L3MBTL3: variants seen among roughly 807,000 people sequenced by gnomAD.
L3MBTL3 encodes L3MBTL histone methyl-lysine binding protein 3.
Under a neutral mutation model 102.3 loss-of-function variants are expected in L3MBTL3, and 27 were observed. The observed-to-expected ratio is 0.26, with a 90% CI of 0.19 to 0.36. The LOEUF (loss-of-function observed/expected upper bound fraction) is 0.36, where lower values mean the gene tolerates loss of function less well. L3MBTL3 is among the 10% of genes least tolerant of loss of function. The pLI is 1.00. For missense variants in L3MBTL3, 798 were observed against 955.3 expected (o/e 0.84, Z 2.17); for synonymous variants, 340 against 320.9 (o/e 1.06, Z -0.64).
chr6:130,093,200 T>G (rs1422344075), intron 17 of L3MBTL3, among the ~76,000 whole-genome samples: 1 of 152,144 alleles, frequency 6.6e-6, no homozygotes, highest in Non-Finnish European at 1.5e-5. Context: ...ATATGATAGC[T>G]TTGCAAAACG....
intron 2 of L3MBTL3, among the ~76,000 whole-genome samples, chr6:130,037,799 G>T (rs9375695): frequency 0.59 from 89,344 of 151,868 alleles, 28,984 homozygotes; most frequent in East Asian, 0.76. Context: ...AAATCCAATC[G>T]TCTGACTCTT....
chr6:130,066,225 A>G, intron 10 of L3MBTL3, 128 bp from the exon 11 acceptor site: 1 of 295,030 alleles, frequency 3.4e-6, no homozygotes, highest in Non-Finnish European at 6.1e-6. Context: ...ATTACTGTTA[A>G]TGTGGGTGGT....
At chr6:130,075,782 C>T (rs1782912325) in intron 13 of L3MBTL3, among the ~76,000 whole-genome samples, 1 of 151,904 alleles carries the variant, frequency 6.6e-6, no homozygotes, top group South Asian at 2.1e-4. Flanking sequence ...CAGGTGGCAC[C>T]AAGTCTCCTA....
At chr6:130,078,927 CAG>C (rs1462497947) in intron 14 of L3MBTL3, among the ~76,000 whole-genome samples, 3 of 152,058 alleles carry the variant, frequency 2.0e-5, no homozygotes, top group Non-Finnish European at 2.9e-5. Flanking sequence ...TAGTTCATAA[CAG>C]AGTCTCAAAT....
chr6:130,091,495 A>G (rs1299452166), intron 16 of L3MBTL3, among the ~76,000 whole-genome samples: 1 of 152,158 alleles, frequency 6.6e-6, no homozygotes, highest in African/African-American at 2.4e-5. Flanking sequence ...CCTAGTGACC[A>G]TCACTAGAAG....
In L3MBTL3 at chr6:130,092,754, G is replaced by T. The variant is rs553837132; in HGVS notation, c.1528G>T (p.Asp510Tyr). 1 of 1,608,688 alleles carries T rather than the reference G, an allele frequency of 6.2e-7. No individual in the cohort carries two copies. The highest frequency in any genetic ancestry group is 8.5e-7 in the Non-Finnish European group (1 of 1,175,496). ...TCCTTGTGTCATCCAGGTTCACTTT[G>T]ATGGCTGGAACAATTGCTATGATTA... ...TDDHRVKVHF[D>Y]GWNNCYDYWI... Residue 510 changes from aspartate to tyrosine, a missense_variant, in exon 17 of 23, where the codon GAT (aspartate) becomes TAT (tyrosine). This residue lies in a region of L3MBTL3 where 306 missense variants were observed against 314.4 expected (regional missense o/e 0.97). Transcript: ENST00000361794.
chr6:130,036,896 A>G (rs1030632641), intron 2 of L3MBTL3, among the ~76,000 whole-genome samples: 8 of 152,180 alleles, frequency 5.3e-5, no homozygotes, highest in Non-Finnish European at 1.2e-4. Flanking sequence ...ATAAAGATTA[A>G]ACGATGGTTA....
intron 18 of L3MBTL3, among the ~76,000 whole-genome samples, chr6:130,094,914 A>T (rs1383939613): frequency 1.3e-5 from 2 of 152,162 alleles, no homozygotes; most frequent in African/African-American, 4.8e-5. Flanking sequence ...GTATTTGGTG[A>T]TTTAGGGATC....
intron 1 of L3MBTL3, among the ~76,000 whole-genome samples, chr6:130,021,443 TG>T (rs1267035589): frequency 4.6e-5 from 7 of 152,224 alleles, no homozygotes; most frequent in African/African-American, 1.7e-4. Context: ...ATGAGTTATA[TG>T]GGAAAGACAC....
At chr6:130,066,900 A>T (rs896132335) in intron 11 of L3MBTL3, among the ~76,000 whole-genome samples, 1 of 152,326 alleles carries the variant, frequency 6.6e-6, no homozygotes, top group Admixed American at 6.5e-5. Flanking sequence ...AATCCTGAGA[A>T]ATTATGCTTG....
At chr6:130,042,559 C>A (rs1436381606) in intron 2 of L3MBTL3, 126 bp from the exon 3 acceptor site, 3 of 514,660 alleles carry the variant, frequency 5.8e-6, no homozygotes, top group Non-Finnish European at 1.0e-5. Flanking sequence ...GTTTTTAGAT[C>A]CAGGGATATG....
At chr6:130,124,983 A>T (rs1219656943) in intron 20 of L3MBTL3, among the ~76,000 whole-genome samples, 1 of 151,860 alleles carries the variant, frequency 6.6e-6, no homozygotes, top group Non-Finnish European at 1.5e-5. Context: ...AAAAAAAAAA[A>T]TAAAATAAAA....
At chr6:130,070,783 C>CTTTTTTTTTT (rs774204472) in intron 12 of L3MBTL3, 193 bp from the exon 13 acceptor site, 1 of 110,310 alleles carries the variant, frequency 9.1e-6, no homozygotes, top group Non-Finnish European at 1.5e-5. Context: ...ACAGTAGGAC[C>CTTTTTTTTTT]TTTTTTTTTT....
At chr6:130,136,623 A>AT (rs1787699263) in intron 22 of L3MBTL3, among the ~76,000 whole-genome samples, 2 of 100,290 alleles carry the variant, frequency 2.0e-5, no homozygotes, top group South Asian at 3.2e-4. Context: ...AGCACAAATC[A>AT]CCTTTTTTTT....
At chr6:130,097,484 T>G (rs1236517638) in intron 18 of L3MBTL3, among the ~76,000 whole-genome samples, 2 of 152,192 alleles carry the variant, frequency 1.3e-5, no homozygotes, top group Non-Finnish European at 2.9e-5. Flanking sequence ...ATTACAGTGT[T>G]TGAATTTGAT....
Position 130,051,312 on chromosome 6 carries a change from A to T in L3MBTL3, c.353A>T (p.Gln118Leu). The T allele has an allele frequency of 6.2e-7, 1 of 1,613,990 alleles. No homozygotes were observed. Among genetic ancestry groups the T allele is most frequent in the Non-Finnish European group, 8.5e-7 (1 of 1,179,832 alleles). ...GATCCAGTGAAAGTAGAAGGGCTTC[A>T]GTTCTGTGAGAACTGTTGTCAGTAT... ...LKDPVKVEGL[Q>L]FCENCCQYGN... Residue 118 changes from glutamine (Q) to leucine (L), a missense_variant, in exon 6 of 23, where the codon CAG (glutamine) becomes CTG (leucine). By Grantham distance (113) the Gln-to-Leu change is moderately radical. Around this residue, in one of 4 missense-constraint regions of L3MBTL3, gnomAD observed 434 missense variants for 506.6 expected, o/e 0.86. Transcript: ENST00000361794.
At chr6:130,106,059 A>G (rs1296656441) in intron 19 of L3MBTL3, among the ~76,000 whole-genome samples, 2 of 152,186 alleles carry the variant, frequency 1.3e-5, no homozygotes, top group Non-Finnish European at 2.9e-5. Flanking sequence ...AAACAATCTC[A>G]GACATTTTAA....
rs1779349197 is a variant in L3MBTL3, at chr6:130,026,401, T to A, written c.-16+4096T>A. Among the ~76,000 whole-genome samples the A allele has an allele frequency of 1.3e-5, 2 of 152,134 alleles. 1 individual carries two copies. Among genetic ancestry groups the A allele is most frequent in the South Asian group, 4.1e-4 (2 of 4,828 alleles). On this transcript the variant is annotated intron_variant, in intron 2 of 22. Coordinates refer to ENST00000361794, the MANE Select transcript of L3MBTL3 (RefSeq NM_032438.4). ...GGGGTGGAATCAGGGAAAATGATAC[T>A]GGCATATGATTGATGTGTCTTTAGG...
intron 18 of L3MBTL3, among the ~76,000 whole-genome samples, chr6:130,097,367 G>A (rs147920135): frequency 1.7e-3 from 256 of 152,218 alleles, no homozygotes; most frequent in African/African-American, 5.8e-3. Flanking sequence ...TGCACTCTTT[G>A]CATAGATAAC....
Sources: allele counts gnomAD v4.1 joint callset (sites outside exome capture counted in the v4.1 genomes callset), GRCh38; gene constraint gnomAD v4.1.1; regional missense constraint gnomAD v4.1.1; transcripts MANE v1.5; gene names NCBI Gene and HGNC (gene_info 2026-07-23, HGNC 2026-07-21).